ARHGAP23: variants seen among roughly 807,000 people sequenced by gnomAD.
ARHGAP23 encodes rho GTPase-activating protein 23.
A neutral mutation model predicts 136.3 loss-of-function variants in ARHGAP23; 34 were observed. The observed-to-expected ratio is 0.25, with a 90% CI of 0.19 to 0.33. The LOEUF (loss-of-function observed/expected upper bound fraction) is 0.33, where lower values mean the gene tolerates loss of function less well. Ranked by LOEUF, ARHGAP23 falls within the 10% of genes least tolerant of loss-of-function variation. The pLI is 1.00. For missense variants in ARHGAP23, 1,808 were observed against 2,139.0 expected (o/e 0.85, Z 3.05); for synonymous variants, 832 against 920.5 (o/e 0.90, Z 1.74).
chr17:38,463,799 G>A (rs899856014), intron 6 of ARHGAP23, among the ~76,000 whole-genome samples: 4 of 152,060 alleles, frequency 2.6e-5, no homozygotes, highest in African/African-American at 9.7e-5. Context: ...CCACCGTCAT[G>A]TGCACCACAC....
chr17:38,432,128 C>T (rs548001626), intron 1 of ARHGAP23, among the ~76,000 whole-genome samples: 36 of 152,322 alleles, frequency 2.4e-4, no homozygotes, highest in African/African-American at 7.9e-4. Context: ...ATCTCATATC[C>T]GTCTACCCTA....
rs970174099 is a variant in ARHGAP23 at position 38,467,170 on chromosome 17, C to T, written c.1487C>T (p.Pro496Leu). 8.1e-5 allele frequency: 126 copies of T among 1,549,766 alleles called. No individual in the cohort carries two copies. The highest frequency in any genetic ancestry group is 1.0e-4 in the Non-Finnish European group (118 of 1,146,480). The change falls in exon 7 of 24, where the codon CCG becomes CTG. Residue 496 changes from proline (P) to leucine (L), a missense_variant. Pro to Leu is a moderately conservative substitution (Grantham distance 98). This residue lies in a region of ARHGAP23 where 859 missense variants were observed against 936.4 expected (regional missense o/e 0.92). Coordinates refer to ENST00000622683, the MANE Select transcript of ARHGAP23 (RefSeq NM_001199417.2). ...GDEVVLRQKP[P>L]TGRKVQLTPA... ...GAGGTGGTCCTGAGGCAGAAGCCCCCGACGGGCCGCAAGGTTCAGCTGACC... is the reference window on the plus strand; with the variant it reads ...GAGGTGGTCCTGAGGCAGAAGCCCCTGACGGGCCGCAAGGTTCAGCTGACC...
At chr17:38,471,711 A>G (rs2039762706) in intron 10 of ARHGAP23, among the ~76,000 whole-genome samples, 152 bp from the exon 11 acceptor site, 2 of 152,202 alleles carry the variant, frequency 1.3e-5, no homozygotes, top group Admixed American at 1.3e-4. Flanking sequence ...AGTGGTCCAG[A>G]GAGGACAAGC....
chr17:38,441,232 C>T (rs542662735), intron 1 of ARHGAP23, among the ~76,000 whole-genome samples: 65 of 152,364 alleles, frequency 4.3e-4, no homozygotes, highest in Non-Finnish European at 7.2e-4. Context: ...ATGCCCCATT[C>T]CCCATTTCAG....
intron 1 of ARHGAP23, among the ~76,000 whole-genome samples, chr17:38,436,611 C>T (rs1044764089): frequency 6.6e-6 from 1 of 152,248 alleles, no homozygotes; most frequent in Admixed American, 6.5e-5. Context: ...AGAAACAACC[C>T]TGCTCTCAAG....
At chr17:38,435,895 C>G (rs1421695772) in intron 1 of ARHGAP23, among the ~76,000 whole-genome samples, 1 of 152,252 alleles carries the variant, frequency 6.6e-6, no homozygotes, top group African/African-American at 2.4e-5. Context: ...GCCACCGTGC[C>G]TGGCCTGGGA....
At position 38,510,888 on chromosome 17, in the gene ARHGAP23, G is replaced by A; in HGVS notation, c.4392G>A (p.Gln1464=). 6.7e-7 allele frequency: 1 copy of A among 1,491,872 alleles called. No individual in the cohort carries two copies. The highest frequency in any genetic ancestry group is 1.5e-5 in the African/African-American group (1 of 68,526). The allele number at this position is 1,491,872 out of a possible 1,614,324, so 92.4% of individuals were successfully genotyped here. A position where few individuals can be genotyped will look rare whatever the true frequency, so the allele number is the denominator to read the frequency against. Reference sequence around the variant, plus strand: ...GGGCCCCGTCGTCCGCTGCCTCGCAGCCGCCCGCGCCCGGGGACACGGGGT... The same window carrying A: ...GGGCCCCGTCGTCCGCTGCCTCGCAACCGCCCGCGCCCGGGGACACGGGGT... ...KARAPSSAAS[Q]PPAPGDTGSL... Residue 1464 remains glutamine (Q), a synonymous_variant, in exon 24 of 24, where the codon CAG becomes CAA. Transcript: ENST00000622683. This position sits in a 1 kb window ranked among gnomAD's most constrained non-coding sequence, Gnocchi z 4.6.
Position 38,511,661 on chromosome 17 carries a change from T to C in ARHGAP23, c.*689T>C, listed in dbSNP as rs529584409. The C allele has an allele frequency of 6.6e-6, 1 of 152,248 alleles. No individual in the cohort carries two copies. Among genetic ancestry groups the C allele is most frequent in the East Asian group, 1.9e-4 (1 of 5,168 alleles). 9.4% of individuals were successfully genotyped at this position (152,248 alleles called of 1,614,324 possible). ...GGCAGGACTGAAACCCTCACCAGGG[T>C]TACTCCCCAACATCCTTTTGCCTGA... On this transcript the variant is annotated 3_prime_UTR_variant, in exon 24 of 24. Transcript: ENST00000622683.
chr17:38,452,645 G>T (rs570864803), intron 1 of ARHGAP23, among the ~76,000 whole-genome samples: 1 of 152,330 alleles, frequency 6.6e-6, no homozygotes, highest in Non-Finnish European at 1.5e-5. Flanking sequence ...CCATAGAAAT[G>T]GCCCCGGGCC....
chr17:38,507,326 GTCCCCTGTAAGCTC>G (rs2040657699), intron 23 of ARHGAP23, among the ~76,000 whole-genome samples: 1 of 115,408 alleles, frequency 8.7e-6, no homozygotes, highest in African/African-American at 3.6e-5. Context: ...TGGTGCAAGG[GTCCCCTGTAAGCTC>G]TGCATGGAGC....
intron 1 of ARHGAP23, among the ~76,000 whole-genome samples, chr17:38,453,161 A>T (rs2039220266): frequency 1.3e-5 from 2 of 151,998 alleles, no homozygotes; most frequent in Admixed American, 1.3e-4. Context: ...TTGCACATGC[A>T]TCTCTCTGAG....
intron 17 of ARHGAP23, among the ~76,000 whole-genome samples, chr17:38,489,317 G>C (rs915301333): frequency 6.6e-6 from 1 of 152,034 alleles, no homozygotes; most frequent in Non-Finnish European, 1.5e-5. Flanking sequence ...TTCACAGTTG[G>C]CTCTGCCGTG....
chr17:38,454,861 G>A (rs1271130063), intron 1 of ARHGAP23, among the ~76,000 whole-genome samples: 2 of 152,216 alleles, frequency 1.3e-5, no homozygotes, highest in Non-Finnish European at 2.9e-5. Context: ...CCTAATTTGT[G>A]GCCTAAGGCC....
chr17:38,482,841 C>T (rs553795867), intron 16 of ARHGAP23, among the ~76,000 whole-genome samples, 163 bp downstream of exon 16: 16 of 152,218 alleles, frequency 1.1e-4, no homozygotes, highest in Non-Finnish European at 1.9e-4. Flanking sequence ...CCTGCCCCCG[C>T]TGGCCAGCCC....
intron 1 of ARHGAP23, among the ~76,000 whole-genome samples, chr17:38,454,699 G>A (rs1439199480): frequency 6.6e-6 from 1 of 152,178 alleles, no homozygotes; most frequent in Non-Finnish European, 1.5e-5. Context: ...GTCCGGGATG[G>A]ACCAGGCTGG....
chr17:38,465,737 C>T (rs2039574595), intron 6 of ARHGAP23, among the ~76,000 whole-genome samples: 1 of 152,048 alleles, frequency 6.6e-6, no homozygotes. Context: ...CCCAGACACA[C>T]CCCTAGCCGG....
chr17:38,479,023 G>A (rs946492001), intron 12 of ARHGAP23, among the ~76,000 whole-genome samples: 1 of 152,172 alleles, frequency 6.6e-6, no homozygotes, highest in African/African-American at 2.4e-5. Flanking sequence ...TGGAATTTGG[G>A]CCTCCTCCTC....
chr17:38,446,672 C>T (rs144930060), intron 1 of ARHGAP23, among the ~76,000 whole-genome samples: 1,524 of 149,500 alleles, frequency 0.01, 23 homozygotes, highest in African/African-American at 0.036. Context: ...AGTGCAACGG[C>T]GCGCTCTTGG....
rs1232919681 is a variant in ARHGAP23, at chr17:38,428,539, GC to G, written c.59del (p.Pro20HisfsTer55). On this transcript the variant is annotated frameshift_variant, in exon 1 of 24. Transcript: ENST00000622683. LOFTEE classifies it high-confidence loss of function. ...GGATCCCGCCCCGCCCGGAGCCCCG[GC>G]CCCCACAGGTGAGGGTGCTGGGCCA... The part of the protein sequence containing the change: ...VGIPPRPEPR[P>X]PQLPLGPRDG... 3 of 1,451,476 alleles carry G rather than the reference GC, an allele frequency of 2.1e-6. No individual in the cohort carries two copies. The highest frequency in any genetic ancestry group is 2.4e-4 in the Middle Eastern group (1 of 4,140). The allele number at this position is 1,451,476 out of a possible 1,614,324, so 89.9% of individuals were successfully genotyped here. A position where few individuals can be genotyped will look rare whatever the true frequency, so the allele number is the denominator to read the frequency against.
Sources: gnomAD v4.1 joint callset for allele counts (sites outside exome capture counted in the v4.1 genomes callset) on GRCh38, gnomAD v4.1.1 for gene constraint, gnomAD v4.1.1 regional missense constraint, Gnocchi (gnomAD v3.1) non-coding constraint, MANE v1.5 for transcripts, NCBI Gene and HGNC (gene_info 2026-07-23, HGNC 2026-07-21) for gene names.